Variants in CORO2A observed in about 807,000 individuals in gnomAD.
CORO2A encodes the protein coronin-2A.
Under a neutral mutation model 62.4 loss-of-function variants are expected in CORO2A, and 47 were observed. The observed-to-expected ratio is 0.75, with a 90% CI of 0.60 to 0.96. The LOEUF is 0.96. Ranked by LOEUF, CORO2A falls within the 40% of genes least tolerant of loss-of-function variation. The pLI is 0.00. For synonymous variants in CORO2A, 273 were observed against 268.9 expected (o/e 1.02, Z -0.15); for missense variants, 610 against 684.1 (o/e 0.89, Z 1.21).
At chr9:98,191,187 G>A (rs1828301401) in intron 1 of CORO2A, among the ~76,000 whole-genome samples, 1 of 152,248 alleles carries the variant, frequency 6.6e-6, no homozygotes, top group African/African-American at 2.4e-5. Context: ...AGGTGGAGAA[G>A]AGGCCCCATG....
At chr9:98,188,895 A>G (rs564533019) in intron 1 of CORO2A, among the ~76,000 whole-genome samples, 4 of 152,344 alleles carry the variant, frequency 2.6e-5, no homozygotes, top group Admixed American at 2.0e-4. Flanking sequence ...ATGAACATAA[A>G]GCACTTAGGA....
chr9:98,124,534 C>A lies in CORO2A; in HGVS notation c.*240G>T. On this transcript the variant is annotated 3_prime_UTR_variant, in exon 12 of 12. Coordinates refer to ENST00000375077, the MANE Select transcript of CORO2A (RefSeq NM_052820.4). ...ACAGCTCATCATGGGCCCTTAATAA[C>A]AGAATTCAACAGAAGGCATCATCTG... 1 of 369,592 alleles carries A rather than the reference C, an allele frequency of 2.7e-6. No individual in the cohort carries two copies. Among genetic ancestry groups the A allele is most frequent in the African/African-American group, 2.1e-5 (1 of 48,700 alleles). 22.9% of individuals were successfully genotyped at this position (369,592 alleles called of 1,614,324 possible).
chr9:98,168,295 C>A (rs2118903305), intron 1 of CORO2A, among the ~76,000 whole-genome samples: 1 of 152,364 alleles, frequency 6.6e-6, no homozygotes, highest in Admixed American at 6.5e-5. Flanking sequence ...ACCACCCTAT[C>A]ATTTCCTATC....
intron 2 of CORO2A, among the ~76,000 whole-genome samples, chr9:98,148,751 C>CAAACAAAACAAAACAAAACAAAACA (rs60243944): frequency 2.4e-4 from 36 of 150,352 alleles, no homozygotes; most frequent in East Asian, 1.6e-3. Context: ...GAGCTTGTCT[C>CAAACAAAACAAAACAAAACAAAACA]AAACAAAACA....
intron 1 of CORO2A, among the ~76,000 whole-genome samples, chr9:98,185,932 A>G (rs1341532154): frequency 6.6e-6 from 1 of 152,200 alleles, no homozygotes; most frequent in East Asian, 1.9e-4. Context: ...AGAGTACAGG[A>G]GACAACTCTC....
chr9:98,166,013 T>C (rs979369881), intron 1 of CORO2A, among the ~76,000 whole-genome samples: 4 of 152,308 alleles, frequency 2.6e-5, no homozygotes, highest in Admixed American at 1.3e-4. Flanking sequence ...AACCAGACAT[T>C]ATGTGCTGCT....
chr9:98,144,444 A>ACCCC (rs1827615419), intron 2 of CORO2A, among the ~76,000 whole-genome samples: 1 of 152,062 alleles, frequency 6.6e-6, no homozygotes, highest in Non-Finnish European at 1.5e-5. Context: ...CTGTCCTCAC[A>ACCCC]CCATGGTTAT....
At position 98,121,151 on chromosome 9, in the gene CORO2A, C is replaced by T. The variant is rs1299861117; in HGVS notation, c.*3623G>A. ...TTTCAGGCACGGTTTCAATTAAAAG[C>T]ATAGATTTGATTTCTGACTTCCTGT... On this transcript the variant is annotated 3_prime_UTR_variant, in exon 12 of 12. Transcript: ENST00000375077. 1 of 152,108 alleles carries T rather than the reference C, an allele frequency of 6.6e-6. No homozygotes were observed. The highest frequency in any genetic ancestry group is 2.4e-5 in the African/African-American group (1 of 41,424). The allele number at this position is 152,108 out of a possible 1,614,324, so 9.4% of individuals were successfully genotyped here.
At chr9:98,161,074 T>C (rs1335726811) in intron 1 of CORO2A, among the ~76,000 whole-genome samples, 1 of 152,054 alleles carries the variant, frequency 6.6e-6, no homozygotes, top group African/African-American at 2.4e-5. Context: ...GAGTGAACCA[T>C]GAGATAAGGG....
intron 2 of CORO2A, among the ~76,000 whole-genome samples, chr9:98,138,864 T>C (rs1827528053): frequency 6.6e-6 from 1 of 151,870 alleles, no homozygotes; most frequent in Non-Finnish European, 1.5e-5. Flanking sequence ...CTGGCCAACA[T>C]GGTGAAACCC....
chr9:98,147,279 A>G (rs752921550), intron 2 of CORO2A, among the ~76,000 whole-genome samples: 3 of 151,868 alleles, frequency 2.0e-5, no homozygotes, highest in Admixed American at 2.0e-4. Context: ...TCCTGGCATT[A>G]TGGTTATGTC....
At chr9:98,189,893 T>TA (rs759782656) in intron 1 of CORO2A, among the ~76,000 whole-genome samples, 15,222 of 152,092 alleles carry the variant, frequency 0.1, 955 homozygotes, top group East Asian at 0.15. Flanking sequence ...CTTTATTTTT[T>TA]TTTTTTTTTG....
chr9:98,134,399 C>G (rs59104692), intron 4 of CORO2A, among the ~76,000 whole-genome samples: 4,423 of 152,214 alleles, frequency 0.029, 199 homozygotes, highest in African/African-American at 0.1. Context: ...AGGGTTCCCC[C>G]CAAAACTCAT....
At position 98,128,640 on chromosome 9, in the gene CORO2A, G is replaced by A. The variant is rs1827362538; in HGVS notation, c.1047C>T (p.Leu349=). 1 of 1,614,102 alleles carries A rather than the reference G, an allele frequency of 6.2e-7. No homozygotes were observed. The highest frequency in any genetic ancestry group is 8.5e-7 in the Non-Finnish European group (1 of 1,180,050). Residue 349 remains leucine (L), a synonymous_variant, in exon 9 of 12, where the codon CTC becomes CTT. Transcript: ENST00000375077. ...RFYKLITTKS[L]IEPISMIVPR... is the part of the protein sequence containing the mutation. Reference sequence around the variant, plus strand: ...GCACAATCATGGAGATGGGCTCGATGAGGCTTTTGGTTGTGATCAGCTTGT... The same window carrying A: ...GCACAATCATGGAGATGGGCTCGATAAGGCTTTTGGTTGTGATCAGCTTGT...
chr9:98,169,042 G>A (rs1015494063), intron 1 of CORO2A, among the ~76,000 whole-genome samples: 3 of 152,190 alleles, frequency 2.0e-5, no homozygotes, highest in African/African-American at 7.2e-5. Context: ...GAAGCCCTTT[G>A]CTTTTTCTCC....
At chr9:98,180,721 T>A (rs72757943) in intron 1 of CORO2A, among the ~76,000 whole-genome samples, 5,283 of 152,156 alleles carry the variant, frequency 0.035, 125 homozygotes, top group Non-Finnish European at 0.055. Flanking sequence ...CAGCCTCCTG[T>A]CACCTGCCAC....
intron 1 of CORO2A, among the ~76,000 whole-genome samples, chr9:98,176,162 C>T (rs1239072177): frequency 6.6e-6 from 1 of 152,148 alleles, no homozygotes; most frequent in East Asian, 1.9e-4. Context: ...TGCTGGGAGG[C>T]ACCAAAACCC....
intron 2 of CORO2A, among the ~76,000 whole-genome samples, chr9:98,147,026 G>C (rs181443882): frequency 2.0e-4 from 30 of 152,264 alleles, no homozygotes; most frequent in Admixed American, 3.3e-4. Context: ...CAGCACTTTG[G>C]GGGGCTGAGG....
intron 8 of CORO2A, 95 bp downstream of exon 8, chr9:98,129,699 C>A (rs1250806977): frequency 3.2e-6 from 3 of 923,152 alleles, no homozygotes; most frequent in Non-Finnish European, 3.5e-6. Flanking sequence ...CCCTGTCTCC[C>A]CAGACCCCGC....
Sources: gnomAD v4.1 joint callset for allele counts (sites outside exome capture counted in the v4.1 genomes callset) on GRCh38, gnomAD v4.1.1 for gene constraint, MANE v1.5 for transcripts, NCBI Gene and HGNC (gene_info 2026-07-23, HGNC 2026-07-21) for gene names.